LIPC: variants seen among roughly 807,000 people sequenced by gnomAD.
The protein encoded by LIPC is lipase C, hepatic type.
LIPC carries 44 observed loss-of-function variants against 50.7 expected under a neutral mutation model. That is an observed-to-expected ratio of 0.87 (90% CI 0.68 to 1.11). LIPC has a LOEUF of 1.11. Among genes scored for constraint, LIPC ranks in the 50% most tolerant of loss-of-function variants. The pLI is 0.00. For missense variants in LIPC, 697 were observed against 648.2 expected (o/e 1.08, Z -0.82); for synonymous variants, 271 against 256.4 (o/e 1.06, Z -0.54).
chr15:58,490,787 T>C (rs1024148285), intron 1 of LIPC, among the ~76,000 whole-genome samples: 9 of 152,236 alleles, frequency 5.9e-5, no homozygotes, highest in African/African-American at 2.2e-4. Context: ...TGAGACGTGC[T>C]ACCTGGTCGC....
chr15:58,548,910 C>T (rs1276566083), intron 6 of LIPC, among the ~76,000 whole-genome samples: 2 of 152,194 alleles, frequency 1.3e-5, no homozygotes, highest in African/African-American at 2.4e-5. Context: ...TGTACAGGGA[C>T]GTCAGGCATC....
rs59377652 is a variant in LIPC, at chr15:58,561,013, GAC to G, written c.1169+37_1169+38del. The G allele has an allele frequency of 0.97, 908,022 of 936,492 alleles. 441,012 individuals carry two copies. Among genetic ancestry groups the G allele is most frequent in the Admixed American group, 0.99 (58,426 of 59,150 alleles). The allele number at this position is 936,492 out of a possible 1,614,324, so 58.0% of individuals were successfully genotyped here. ...AGGAGGTGTAGCCCCCTAGGGTGATGACACACTTATTTTTCTTGCAGAACATA... is the reference window on the plus strand; with the variant it reads ...AGGAGGTGTAGCCCCCTAGGGTGATGACACTTATTTTTCTTGCAGAACATA... On this transcript the variant is annotated intron_variant, in intron 7 of 8. Transcript: ENST00000299022.
chr15:58,486,137 C>T (rs55912515), intron 1 of LIPC, among the ~76,000 whole-genome samples: 4,325 of 152,248 alleles, frequency 0.028, 70 homozygotes, highest in Middle Eastern at 0.037. Context: ...TTGACATGGA[C>T]GGCTCTATTC....
chr15:58,520,384 C>G (rs1222808450), intron 1 of LIPC, among the ~76,000 whole-genome samples: 1 of 152,156 alleles, frequency 6.6e-6, no homozygotes, highest in Non-Finnish European at 1.5e-5. Flanking sequence ...AGCACAACGT[C>G]TAAACCATTC....
At chr15:58,503,153 G>C (rs1313774313) in intron 1 of LIPC, among the ~76,000 whole-genome samples, 1 of 152,118 alleles carries the variant, frequency 6.6e-6, no homozygotes, top group African/African-American at 2.4e-5. Flanking sequence ...TTCAGACAGT[G>C]TTGCTAATCC....
intron 6 of LIPC, among the ~76,000 whole-genome samples, chr15:58,554,102 A>T (rs1446680372): frequency 2.0e-5 from 3 of 152,212 alleles, no homozygotes; most frequent in Non-Finnish European, 4.4e-5. Context: ...CAAAAAATAG[A>T]AAGAAATATA....
chr15:58,549,432 G>A (rs1165483184), intron 6 of LIPC, among the ~76,000 whole-genome samples: 1 of 152,198 alleles, frequency 6.6e-6, no homozygotes, highest in Non-Finnish European at 1.5e-5. Context: ...TGCTTTTAGG[G>A]AGCATTTTAC....
At chr15:58,453,147 A>G (rs1306642897) in intron 1 of LIPC, among the ~76,000 whole-genome samples, 2 of 152,118 alleles carry the variant, frequency 1.3e-5, no homozygotes, top group Non-Finnish European at 2.9e-5. Context: ...ACACTGCCTC[A>G]TAGTATTTCT....
intron 1 of LIPC, among the ~76,000 whole-genome samples, chr15:58,507,739 C>T (rs2140850796): frequency 1.3e-5 from 2 of 152,326 alleles, no homozygotes; most frequent in African/African-American, 4.8e-5. Flanking sequence ...TCACTGAAAA[C>T]TCACAGAAGA....
chr15:58,455,017 T>C (rs1220957357), intron 1 of LIPC: 1 of 152,262 alleles, frequency 6.6e-6, no homozygotes, highest in Non-Finnish European at 1.5e-5. Context: ...TTTCCGTCTG[T>C]CGTACTGTGT....
chr15:58,496,676 A>G (rs906846084), intron 1 of LIPC, among the ~76,000 whole-genome samples: 10 of 151,532 alleles, frequency 6.6e-5, no homozygotes, highest in African/African-American at 2.4e-4. Context: ...ATGCGTTAGC[A>G]CAATTTAGAC....
chr15:58,562,823 C>G (rs1441619649), intron 7 of LIPC, among the ~76,000 whole-genome samples: 2 of 149,658 alleles, frequency 1.3e-5, no homozygotes, highest in African/African-American at 5.0e-5. Context: ...CCAACCCCAC[C>G]ATCCATCTGC....
intron 1 of LIPC, among the ~76,000 whole-genome samples, chr15:58,477,448 G>T (rs1251504970): frequency 1.3e-5 from 2 of 152,218 alleles, no homozygotes; most frequent in Non-Finnish European, 2.9e-5. Context: ...TGAGAGAGGG[G>T]AAGTGTGGGT....
At chr15:58,472,576 C>CAAAAA (rs34483233) in intron 1 of LIPC, among the ~76,000 whole-genome samples, 1 of 122,624 alleles carries the variant, frequency 8.2e-6, no homozygotes, top group Admixed American at 8.3e-5. Flanking sequence ...ACTCTTGTCT[C>CAAAAA]AAAAAAAAAA....
chr15:58,461,189 T>C (rs1048382321), intron 1 of LIPC, among the ~76,000 whole-genome samples: 15 of 152,104 alleles, frequency 9.9e-5, no homozygotes, highest in Admixed American at 7.9e-4. Flanking sequence ...GCTGCAATAG[T>C]AACAATAAAA....
At chr15:58,451,568 C>T (rs1158612681) in intron 1 of LIPC, among the ~76,000 whole-genome samples, 1 of 152,114 alleles carries the variant, frequency 6.6e-6, no homozygotes, top group African/African-American at 2.4e-5. Context: ...GGTGTCCACC[C>T]CTGAATAGAT....
intron 1 of LIPC, among the ~76,000 whole-genome samples, chr15:58,453,836 G>C (rs768161809): frequency 6.7e-6 from 1 of 150,240 alleles, no homozygotes; most frequent in Non-Finnish European, 1.5e-5. Context: ...GCTGCAGTGA[G>C]CCATGATCAT....
intron 1 of LIPC, among the ~76,000 whole-genome samples, chr15:58,531,914 G>C (rs1412416567): frequency 2.0e-5 from 3 of 152,106 alleles, no homozygotes; most frequent in Non-Finnish European, 2.9e-5. Flanking sequence ...ATATCTTAAT[G>C]ACCTGAAAAA....
intron 1 of LIPC, among the ~76,000 whole-genome samples, chr15:58,447,105 C>A (rs138853906): frequency 2.0e-4 from 26 of 131,580 alleles, no homozygotes; most frequent in African/African-American, 6.8e-4. Flanking sequence ...GCCGAGATTG[C>A]GCCACTGCAC....
Sources: gnomAD v4.1 joint callset for allele counts (sites outside exome capture counted in the v4.1 genomes callset) on GRCh38, gnomAD v4.1.1 for gene constraint, MANE v1.5 for transcripts, NCBI Gene and HGNC (gene_info 2026-07-23, HGNC 2026-07-21) for gene names.